Variants in SHCBP1L observed in about 807,000 individuals in gnomAD.
The protein encoded by SHCBP1L is testicular spindle-associated protein SHCBP1L.
In SHCBP1L, 67 loss-of-function variants were observed where a neutral mutation model predicts 62.5. The ratio of observed to expected loss-of-function variants is 1.07; its 90% CI spans 0.88 to 1.31. The LOEUF is 1.31. Ranked by LOEUF, SHCBP1L falls within the 40% of genes most tolerant of loss-of-function variation. The pLI is 0.00. For missense variants in SHCBP1L, 823 were observed against 809.8 expected (o/e 1.02, Z -0.20); for synonymous variants, 284 against 289.4 (o/e 0.98, Z 0.19).
chr1:182,902,408 G>A (rs1051171437), intron 9 of SHCBP1L, among the ~76,000 whole-genome samples: 1 of 151,866 alleles, frequency 6.6e-6, no homozygotes, highest in Non-Finnish European at 1.5e-5. Context: ...ACAGAGAGTG[G>A]GAGGCTACTA....
intron 1 of SHCBP1L, among the ~76,000 whole-genome samples, chr1:182,952,199 TA>T (rs1651787485): frequency 5.2e-5 from 1 of 19,050 alleles, no homozygotes; most frequent in African/African-American, 1.9e-4. Context: ...AAAATATATA[TA>T]TATATATATA....
intron 9 of SHCBP1L, among the ~76,000 whole-genome samples, chr1:182,901,606 G>C (rs998100951): frequency 6.6e-6 from 1 of 152,204 alleles, no homozygotes; most frequent in Non-Finnish European, 1.5e-5. Flanking sequence ...GCAGGGGCCA[G>C]ATCTTGTCAG....
chr1:182,946,830 A>C (rs1214644307), intron 2 of SHCBP1L, among the ~76,000 whole-genome samples: 1 of 152,168 alleles, frequency 6.6e-6, no homozygotes, highest in Non-Finnish European at 1.5e-5. Flanking sequence ...TTCTATCTTC[A>C]AGCACAATAA....
chr1:182,942,416 A>AGGGCGCGTGCC, intron 2 of SHCBP1L: 1 of 706,600 alleles, frequency 1.4e-6, no homozygotes, highest in Non-Finnish European at 2.6e-6. Context: ...GGCGGCAGGC[A>AGGGCGCGTGCC]GGGCGCGTGC....
In SHCBP1L at chr1:182,940,562, G is replaced by A. The variant is rs1380205979; in HGVS notation, c.556-19C>T. 2 of 1,594,194 alleles carry A rather than the reference G, an allele frequency of 1.3e-6. No homozygotes were observed. Among genetic ancestry groups the A allele is most frequent in the East Asian group, 2.3e-5 (1 of 44,390 alleles). ...AAGTTACCTAAGATAAATATCATAA[G>A]AGATAAGAGATATAGTTATAAATAT... On this transcript the variant is annotated intron_variant, in intron 2 of 9. Coordinates refer to ENST00000367547, the MANE Select transcript of SHCBP1L (RefSeq NM_030933.4).
chr1:182,924,935 G>GAAGAAAAGAAAGA (rs1553245974), intron 6 of SHCBP1L, among the ~76,000 whole-genome samples: 1 of 62,346 alleles, frequency 1.6e-5, no homozygotes, highest in Non-Finnish European at 2.6e-5. Flanking sequence ...AGGAAGGAAG[G>GAAGAAAAGAAAGA]AAGAAAGAAA....
At chr1:182,924,423 G>A (rs924423882) in intron 6 of SHCBP1L, among the ~76,000 whole-genome samples, 2 of 150,120 alleles carry the variant, frequency 1.3e-5, no homozygotes, top group Non-Finnish European at 3.0e-5. Flanking sequence ...TCAGCCTCCC[G>A]AGTAGCTGGG....
chr1:182,910,497 C>T (rs1650144326), intron 6 of SHCBP1L, among the ~76,000 whole-genome samples: 1 of 152,072 alleles, frequency 6.6e-6, no homozygotes, highest in African/African-American at 2.4e-5. Context: ...TTTCACCCCT[C>T]AGGTTGGAGT....
At chr1:182,914,266 A>C (rs889704935) in intron 6 of SHCBP1L, among the ~76,000 whole-genome samples, 1 of 152,248 alleles carries the variant, frequency 6.6e-6, no homozygotes, top group Admixed American at 6.5e-5. Context: ...GGAGTCCTTC[A>C]GACTGAAATG....
chr1:182,924,329 C>T (rs1308471681), intron 6 of SHCBP1L, among the ~76,000 whole-genome samples: 4 of 146,904 alleles, frequency 2.7e-5, no homozygotes, highest in African/African-American at 5.1e-5. Context: ...GACGGAGTCT[C>T]GCTCTGCCAC....
rs1216759641 is a variant in SHCBP1L, at chr1:182,924,297, A to AT, written c.1182+5349dup. Among the ~76,000 whole-genome samples the AT allele has an allele frequency of 5.2e-3, 720 of 137,438 alleles. 4 individuals are homozygous for AT. Among genetic ancestry groups the AT allele is most frequent in the South Asian group, 0.018 (76 of 4,268 alleles). 90.2% of individuals were successfully genotyped at this position (137,438 alleles called of 152,430 possible). A position where few individuals can be genotyped will look rare whatever the true frequency, so the allele number is the denominator to read the frequency against. ...CCATGCTCAAGAATAAGAAGAATCA[A>AT]TTTTTTTTTTTTTTTTTTTGAGACG... On this transcript the variant is annotated intron_variant, in intron 6 of 9. Transcript: ENST00000367547.
intron 2 of SHCBP1L, among the ~76,000 whole-genome samples, chr1:182,940,962 T>C (rs911278059): frequency 1.3e-5 from 2 of 152,038 alleles, no homozygotes; most frequent in Admixed American, 6.6e-5. Flanking sequence ...AGCCATCCTC[T>C]TACCTCAGCC....
intron 5 of SHCBP1L, among the ~76,000 whole-genome samples, chr1:182,936,987 G>A (rs768563896): frequency 7.2e-5 from 11 of 152,054 alleles, no homozygotes; most frequent in African/African-American, 1.2e-4. Context: ...CTGGGAAGTC[G>A]AGGCTGCAGT....
At chr1:182,921,731 C>A (rs1053832708) in intron 6 of SHCBP1L, among the ~76,000 whole-genome samples, 5 of 152,124 alleles carry the variant, frequency 3.3e-5, no homozygotes, top group African/African-American at 1.2e-4. Flanking sequence ...CATGGCAAAA[C>A]CCCATCTCTA....
chr1:182,950,471 A>G (rs918596460), intron 2 of SHCBP1L: 2 of 151,944 alleles, frequency 1.3e-5, no homozygotes, highest in Non-Finnish European at 2.9e-5. Context: ...GCTAAAGATC[A>G]CAAGGTTAGG....
chr1:182,900,157 TTGAAGAA>T lies in SHCBP1L; in HGVS notation c.1781_1787del (p.Ile594AsnfsTer9). On this transcript the variant is annotated frameshift_variant, in exon 10 of 10. Transcript: ENST00000367547. LOFTEE classifies it high-confidence loss of function. The stretch of plus-strand genomic sequence containing the variant: ...CTACGATAAAAAACTGTTCCATTGG[TTGAAGAA>T]TGCTTACTCCATAGCCTTTGTTGCT... 1 of 1,612,502 alleles carries T rather than the reference TTGAAGAA, an allele frequency of 6.2e-7. No individual in the cohort carries two copies. The highest frequency in any genetic ancestry group is 8.5e-7 in the Non-Finnish European group (1 of 1,179,152).
At position 182,940,417 on chromosome 1, in the gene SHCBP1L, C is replaced by G. The variant is rs1281132591; in HGVS notation, c.682G>C (p.Glu228Gln). The change falls in exon 3 of 10, where the codon GAA becomes CAA. Residue 228 changes from glutamate to glutamine, a missense_variant. Physicochemically the swap from Glu to Gln is conservative, Grantham distance 29. Transcript: ENST00000367547. ...ACTTCCAAAAGAGGCACACTGTGTT[C>G]CAGTTCCTCCAAAATCTCATCAACC... is the stretch of plus-strand genomic sequence containing the variant. Reference protein sequence around the residue: ...DLVDEILEELEHSVPLLEVYP... With the variant: ...DLVDEILEELQHSVPLLEVYP... The G allele has an allele frequency of 6.2e-7, 1 of 1,613,986 alleles. No homozygotes were observed. The highest frequency in any genetic ancestry group is 1.7e-5 in the Admixed American group (1 of 60,014).
chr1:182,943,763 T>C (rs1651457116), intron 2 of SHCBP1L, among the ~76,000 whole-genome samples: 1 of 151,846 alleles, frequency 6.6e-6, no homozygotes, highest in Admixed American at 6.6e-5. Context: ...TAGTTTTGAT[T>C]TTTTTCAGTA....
chr1:182,939,584 T>A (rs779758372), intron 3 of SHCBP1L, 31 bp from the exon 4 acceptor site: 5 of 1,497,142 alleles, frequency 3.3e-6, no homozygotes, highest in Non-Finnish European at 3.6e-6. Context: ...ATGACAGTAA[T>A]CAAAAACAGC....
Sources: allele counts gnomAD v4.1 joint callset (sites outside exome capture counted in the v4.1 genomes callset), GRCh38; gene constraint gnomAD v4.1.1; transcripts MANE v1.5; gene names NCBI Gene and HGNC (gene_info 2026-07-23, HGNC 2026-07-21).